L2HGDH: variants seen among roughly 807,000 people sequenced by gnomAD.
L2HGDH encodes L-2-hydroxyglutarate dehydrogenase, also known as L-2-hydroxyglutarate dehydrogenase, mitochondrial.
Under a neutral mutation model 51.5 loss-of-function variants are expected in L2HGDH, and 34 were observed. That is an observed-to-expected ratio of 0.66 (90% CI 0.50 to 0.88). The LOEUF (loss-of-function observed/expected upper bound fraction) is 0.88, where lower values mean the gene tolerates loss of function less well. Among genes scored for constraint, L2HGDH ranks in the 40% least tolerant of loss-of-function variants. The pLI, the probability that L2HGDH is intolerant of heterozygous loss-of-function variation, is 0.00. For synonymous variants in L2HGDH, 198 were observed against 197.9 expected (o/e 1.00, Z -0.01); for missense variants, 558 against 571.9 (o/e 0.98, Z 0.25).
chr14:50,268,433 G>A (rs1042258063), intron 7 of L2HGDH, among the ~76,000 whole-genome samples: 1 of 145,512 alleles, frequency 6.9e-6, no homozygotes, highest in African/African-American at 2.5e-5. Context: ...CTAATAGATT[G>A]TTCCATCTAT....
rs1261023957 is a variant in L2HGDH at position 50,283,894 on chromosome 14, T to C, written c.680A>G (p.Glu227Gly). 1 of 1,614,126 alleles carries C rather than the reference T, an allele frequency of 6.2e-7. No homozygotes were observed. Among genetic ancestry groups the C allele is most frequent in the Admixed American group, 1.7e-5 (1 of 60,026 alleles). ...ACCATCTATACTTCTTGAAGGACTTTCTTTAGCCATTTCAATACCTTTTAC... is the reference window on the plus strand; with the variant it reads ...ACCATCTATACTTCTTGAAGGACTTCCTTTAGCCATTTCAATACCTTTTAC... ...FEVKGIEMAK[E>G]SPSRSIDGMQ... Residue 227 changes from glutamate to glycine, a missense_variant, in exon 5 of 10, where the codon GAA becomes GGA. Transcript: ENST00000267436.
At position 50,302,091 on chromosome 14, in the gene L2HGDH, A is replaced by C. The variant is rs1222676816; in HGVS notation, c.334T>G (p.Leu112Val). The change falls in exon 3 of 10, where the codon TTA (leucine) becomes GTA (valine). Residue 112 changes from leucine to valine, a missense_variant. Physicochemically the swap from Leu to Val is conservative, Grantham distance 32. This residue lies in a region of L2HGDH where 194 missense variants were observed against 187.2 expected (regional missense o/e 1.04). Transcript: ENST00000267436. ...YYKPESLKAKLCVQGAALLYE... is the reference protein window; with the variant it reads ...YYKPESLKAKVCVQGAALLYE... ...AGGAGGGCTGCACCTTGTACACATA[A>C]TTTGGCTTTCAGAGACTCAGGTTTA... 3 of 1,614,036 alleles carry C rather than the reference A, an allele frequency of 1.9e-6. No homozygotes were observed. The highest frequency in any genetic ancestry group is 2.5e-6 in the Non-Finnish European group (3 of 1,180,036).
chr14:50,264,779 C>G (rs570745648), intron 9 of L2HGDH, among the ~76,000 whole-genome samples: 1 of 152,288 alleles, frequency 6.6e-6, no homozygotes, highest in African/African-American at 2.4e-5. Context: ...CTATTGGGTA[C>G]TGGGCTTAAT....
intron 6 of L2HGDH, among the ~76,000 whole-genome samples, 200 bp downstream of exon 6, chr14:50,278,320 A>G (rs1346332555): frequency 6.6e-6 from 1 of 152,248 alleles, no homozygotes; most frequent in Non-Finnish European, 1.5e-5. Context: ...CTTTGCCAGC[A>G]GAGCCACTTA....
chr14:50,271,722 T>C (rs1373703853), intron 6 of L2HGDH, among the ~76,000 whole-genome samples: 1 of 151,840 alleles, frequency 6.6e-6, no homozygotes, highest in Non-Finnish European at 1.5e-5. Context: ...AATAAATAAA[T>C]AAAAAGAAGA....
At chr14:50,251,803 T>C (rs1566501677) in intron 9 of L2HGDH, among the ~76,000 whole-genome samples, 1 of 151,976 alleles carries the variant, frequency 6.6e-6, no homozygotes, top group Non-Finnish European at 1.5e-5. Context: ...GAAGGAGAAA[T>C]ACTTTCCCAG....
chr14:50,289,909 T>G (rs371732695), intron 4 of L2HGDH, among the ~76,000 whole-genome samples: 1 of 152,312 alleles, frequency 6.6e-6, no homozygotes, highest in East Asian at 1.9e-4. Flanking sequence ...TTATGCTAGA[T>G]GCAAGTTAAT....
intron 9 of L2HGDH, among the ~76,000 whole-genome samples, chr14:50,260,406 T>C (rs1888950157): frequency 6.6e-6 from 1 of 152,242 alleles, no homozygotes; most frequent in African/African-American, 2.4e-5. Context: ...GGATATGGTT[T>C]GTACAATTAT....
intron 5 of L2HGDH, among the ~76,000 whole-genome samples, chr14:50,280,877 C>A (rs1307624510): frequency 6.6e-6 from 1 of 152,060 alleles, no homozygotes; most frequent in Non-Finnish European, 1.5e-5. Context: ...TGCAGTGATG[C>A]AATTATAGCT....
intron 6 of L2HGDH, among the ~76,000 whole-genome samples, chr14:50,274,309 C>T (rs1392572856): frequency 7.0e-6 from 1 of 141,854 alleles, no homozygotes; most frequent in East Asian, 2.0e-4. Flanking sequence ...GGCCAAGGAC[C>T]TGAATATGTA....
At chr14:50,249,862 C>T (rs1340476690) in intron 9 of L2HGDH, among the ~76,000 whole-genome samples, 2 of 142,576 alleles carry the variant, frequency 1.4e-5, no homozygotes, top group Non-Finnish European at 3.0e-5. Context: ...CTTGGGGTCC[C>T]CAAGTCAAGG....
In L2HGDH at chr14:50,244,478, T is replaced by C; in HGVS notation, c.*2580A>G. On this transcript the variant is annotated 3_prime_UTR_variant, in exon 10 of 10. Transcript: ENST00000267436. ...GTACTACTGACAAAATACAGAATGA[T>C]AATATTTTCCATCTCTTAGTAATCT... 2.0e-6 allele frequency: 2 copies of C among 985,374 alleles called. No individual in the cohort carries two copies. The highest frequency in any genetic ancestry group is 2.4e-6 in the Non-Finnish European group (2 of 829,842). The allele number at this position is 985,374 out of a possible 1,614,324, so 61.0% of individuals were successfully genotyped here.
At chr14:50,272,640 C>CTAT (rs1887925462) in intron 6 of L2HGDH, among the ~76,000 whole-genome samples, 1 of 152,094 alleles carries the variant, frequency 6.6e-6, no homozygotes, top group Admixed American at 6.6e-5. Context: ...TATGAGCTAC[C>CTAT]CATTATTAAC....
chr14:50,249,199 G>A (rs1434154116), intron 9 of L2HGDH, among the ~76,000 whole-genome samples: 1 of 152,208 alleles, frequency 6.6e-6, no homozygotes, highest in Non-Finnish European at 1.5e-5. Flanking sequence ...GGGCTGAAAA[G>A]CTCTGGGGTC....
intron 3 of L2HGDH, among the ~76,000 whole-genome samples, 191 bp downstream of exon 3, chr14:50,301,826 A>G (rs986544436): frequency 3.9e-5 from 6 of 152,206 alleles, no homozygotes; most frequent in Non-Finnish European, 8.8e-5. Flanking sequence ...TGCATAAATT[A>G]TATGTCAATA....
At chr14:50,276,031 A>G (rs1889961939) in intron 6 of L2HGDH, among the ~76,000 whole-genome samples, 1 of 152,214 alleles carries the variant, frequency 6.6e-6, no homozygotes, top group Non-Finnish European at 1.5e-5. Flanking sequence ...ACTGAATTGG[A>G]TAACTAATCC....
intron 5 of L2HGDH, among the ~76,000 whole-genome samples, chr14:50,282,917 C>T (rs1303365348): frequency 6.6e-6 from 1 of 151,970 alleles, no homozygotes. Context: ...TGGCTCACAC[C>T]TGTAATCCTA....
At position 50,274,274 on chromosome 14, in the gene L2HGDH, CA is replaced by C. The variant is rs576083220; in HGVS notation, c.738+4245del. ...AGCCTGGGTGACAGAGACCCTGTCT[CA>C]AAAAAAAAAAAGGGGAGTGGGGGGG... On this transcript the variant is annotated intron_variant, in intron 6 of 9. Coordinates refer to ENST00000267436, the MANE Select transcript of L2HGDH (RefSeq NM_024884.3). 4.3e-3 allele frequency among the ~76,000 whole-genome samples: 539 copies of C among 125,982 alleles called. 2 individuals carry two copies. The highest frequency in any genetic ancestry group is 5.7e-3 in the African/African-American group (197 of 34,688). The allele number at this position is 125,982 out of a possible 152,430, so 82.6% of individuals were successfully genotyped here.
At chr14:50,285,103 C>T (rs886352935) in intron 4 of L2HGDH, among the ~76,000 whole-genome samples, 8 of 152,076 alleles carry the variant, frequency 5.3e-5, no homozygotes, top group Admixed American at 1.3e-4. Flanking sequence ...AAAAATTAGC[C>T]GAACGTGGTG....
Sources: gnomAD v4.1 joint callset for allele counts (sites outside exome capture counted in the v4.1 genomes callset) on GRCh38, gnomAD v4.1.1 for gene constraint, gnomAD v4.1.1 regional missense constraint, MANE v1.5 for transcripts, NCBI Gene and HGNC (gene_info 2026-07-23, HGNC 2026-07-21) for gene names.